RORA: variants seen among roughly 807,000 people sequenced by gnomAD.
RORA encodes nuclear receptor ROR-alpha.
RORA carries 7 observed loss-of-function variants against 69.5 expected under a neutral mutation model. That is an observed-to-expected ratio of 0.10 (90% CI 0.06 to 0.19). The LOEUF (loss-of-function observed/expected upper bound fraction) is 0.19. Among genes scored for constraint, RORA ranks in the 10% least tolerant of loss-of-function variants. The pLI is 1.00. For synonymous variants in RORA, 261 were observed against 240.8 expected, an observed-to-expected ratio of 1.08 and a Z score of -0.78; for missense variants, 457 against 663.0, an observed-to-expected ratio of 0.69 and a Z score of 3.41.
chr15:61,062,734 C>G (rs1012971992), intron 1 of RORA, among the ~76,000 whole-genome samples: 1 of 152,194 alleles, frequency 6.6e-6, no homozygotes, highest in African/African-American at 2.4e-5. Flanking sequence ...GCTCCCTCCT[C>G]TCCCAACTGC....
intron 2 of RORA, among the ~76,000 whole-genome samples, chr15:60,556,110 G>T (rs993407449): frequency 6.7e-6 from 1 of 149,778 alleles, no homozygotes; most frequent in Non-Finnish European, 1.5e-5. Context: ...ATGAAGCACA[G>T]ACAGCAGAGA....
chr15:61,058,262 C>G (rs1595928462), intron 1 of RORA, among the ~76,000 whole-genome samples: 1 of 152,206 alleles, frequency 6.6e-6, no homozygotes, highest in East Asian at 1.9e-4. Flanking sequence ...AGGGTGTCGC[C>G]AGGCAGAAGA....
chr15:61,132,432 C>T (rs1400878533), intron 1 of RORA, among the ~76,000 whole-genome samples: 1 of 151,960 alleles, frequency 6.6e-6, no homozygotes, highest in Non-Finnish European at 1.5e-5. Flanking sequence ...ACCCTTGACC[C>T]GATTTTATAG....
chr15:61,116,011 T>C (rs2079047294), intron 1 of RORA, among the ~76,000 whole-genome samples: 1 of 152,118 alleles, frequency 6.6e-6, no homozygotes, highest in African/African-American at 2.4e-5. Context: ...TGAAACACTG[T>C]AGACCAGGCA....
chr15:60,657,972 A>C (rs2070247247), intron 2 of RORA, among the ~76,000 whole-genome samples: 2 of 152,088 alleles, frequency 1.3e-5, no homozygotes, highest in South Asian at 2.1e-4. Context: ...TCTCCATCCA[A>C]AATATTTAGA....
chr15:61,160,840 T>C (rs111434462), intron 1 of RORA, among the ~76,000 whole-genome samples: 18 of 152,262 alleles, frequency 1.2e-4, no homozygotes, highest in African/African-American at 4.1e-4. Context: ...AGAAAATTCT[T>C]TTTATTTCTT....
intron 1 of RORA, among the ~76,000 whole-genome samples, chr15:61,149,888 A>C (rs1214561905): frequency 6.6e-6 from 1 of 152,192 alleles, no homozygotes; most frequent in African/African-American, 2.4e-5. Flanking sequence ...TATTGACTTA[A>C]GGAAAGAACA....
chr15:61,020,407 T>C lies in RORA; in HGVS notation c.166+208646A>G, dbSNP rs368432802. Among the ~76,000 whole-genome samples the C allele has an allele frequency of 3.0e-4, 46 of 152,314 alleles. 2 individuals carry two copies. In the South Asian group the frequency reaches 7.0e-3, roughly 23 times the overall value. ...CACAATGGGGAAAGAAGAGCCAGGA[T>C]TCTAGTTCGGAATTGCTGCTTCTTC... On this transcript the variant is annotated intron_variant, in intron 1 of 10. Coordinates refer to ENST00000335670, the MANE Select transcript of RORA (RefSeq NM_134261.3).
chr15:61,010,441 C>T (rs552430893), intron 1 of RORA, among the ~76,000 whole-genome samples: 10 of 152,224 alleles, frequency 6.6e-5, no homozygotes, highest in African/African-American at 2.2e-4. Context: ...AAATTAGTGA[C>T]CTTGGTCATA....
chr15:61,001,829 AAAAAG>A (rs1267551150), intron 1 of RORA, among the ~76,000 whole-genome samples: 1 of 152,246 alleles, frequency 6.6e-6, no homozygotes, highest in Non-Finnish European at 1.5e-5. Context: ...TGGCCAAGGA[AAAAAG>A]AACTCTCTGA....
intron 1 of RORA, among the ~76,000 whole-genome samples, chr15:60,898,020 A>G (rs1891276290): frequency 6.6e-6 from 1 of 152,232 alleles, no homozygotes; most frequent in South Asian, 2.1e-4. Context: ...GATCTTAAGT[A>G]GTCAAAAAAC....
chr15:60,857,008 A>G (rs2073387104), intron 1 of RORA, among the ~76,000 whole-genome samples: 1 of 152,222 alleles, frequency 6.6e-6, no homozygotes, highest in Non-Finnish European at 1.5e-5. Flanking sequence ...TGGAAGGATG[A>G]GCACAGAGGA....
chr15:60,629,168 T>C (rs1207074472), intron 2 of RORA, among the ~76,000 whole-genome samples: 1 of 150,562 alleles, frequency 6.6e-6, no homozygotes, highest in Non-Finnish European at 1.5e-5. Flanking sequence ...TCGATGTTTA[T>C]AAGGATTGAC....
chr15:61,098,180 GCCTC>G (rs1438928996), intron 1 of RORA, among the ~76,000 whole-genome samples: 5 of 80,704 alleles, frequency 6.2e-5, no homozygotes, highest in Admixed American at 3.6e-4. Flanking sequence ...CCCCTTCCCT[GCCTC>G]CCTCCCTGTC....
chr15:60,567,218 C>T (rs1447265856), intron 2 of RORA, among the ~76,000 whole-genome samples: 1 of 151,002 alleles, frequency 6.6e-6, no homozygotes, highest in Non-Finnish European at 1.5e-5. Flanking sequence ...CTGGTGATGA[C>T]AGACCAGTTA....
intron 2 of RORA, chr15:60,630,759 G>A (rs944751966): frequency 3.3e-5 from 5 of 152,240 alleles, no homozygotes; most frequent in African/African-American, 4.8e-5. Flanking sequence ...AGAGATATAG[G>A]GCTAAGACAG....
chr15:60,742,697 T>C (rs2071590397), intron 1 of RORA, among the ~76,000 whole-genome samples: 1 of 152,200 alleles, frequency 6.6e-6, no homozygotes, highest in Admixed American at 6.5e-5. Flanking sequence ...TTTGACTTTT[T>C]AAGATTCCAC....
chr15:60,553,067 G>C (rs752041669), intron 2 of RORA, among the ~76,000 whole-genome samples: 1 of 151,980 alleles, frequency 6.6e-6, no homozygotes, highest in Non-Finnish European at 1.5e-5. Flanking sequence ...GCTGTTATGA[G>C]GCTCAAATGC....
At chr15:60,501,223 T>G (rs1199079681) in intron 8 of RORA, among the ~76,000 whole-genome samples, 154 bp from the exon 9 acceptor site, 1 of 148,636 alleles carries the variant, frequency 6.7e-6, no homozygotes, top group African/African-American at 2.5e-5. Context: ...TGGTTGAAGA[T>G]CAGAAGGAAT....
Sources: allele counts gnomAD v4.1 joint callset (sites outside exome capture counted in the v4.1 genomes callset), GRCh38; gene constraint gnomAD v4.1.1; transcripts MANE v1.5; gene names NCBI Gene and HGNC (gene_info 2026-07-23, HGNC 2026-07-21).